RNF180: variants seen among roughly 807,000 people sequenced by gnomAD.
The protein encoded by RNF180 is E3 ubiquitin-protein ligase RNF180.
RNF180 carries 38 observed loss-of-function variants against 59.2 expected under a neutral mutation model. The observed-to-expected ratio is 0.64, with a 90% CI of 0.50 to 0.84. The LOEUF (loss-of-function observed/expected upper bound fraction) is 0.84, where lower values mean the gene tolerates loss of function less well. Among genes scored for constraint, RNF180 ranks in the 40% least tolerant of loss-of-function variants. The probability of loss-of-function intolerance (pLI) is 0.00; values close to 1 mark genes in which losing one functional copy is unlikely to be tolerated. For missense variants in RNF180, 705 were observed against 700.9 expected, an observed-to-expected ratio of 1.01 and a Z score of -0.07; for synonymous variants, 262 against 240.3, an observed-to-expected ratio of 1.09 and a Z score of -0.84.
chr5:64,299,916 G>A (rs971282295), intron 5 of RNF180, among the ~76,000 whole-genome samples: 2 of 151,688 alleles, frequency 1.3e-5, no homozygotes, highest in African/African-American at 4.8e-5. Flanking sequence ...ACCTTGTGCA[G>A]TCCCCCTAGA....
At chr5:64,343,496 A>G (rs1745439685) in intron 7 of RNF180, among the ~76,000 whole-genome samples, 1 of 152,110 alleles carries the variant, frequency 6.6e-6, no homozygotes, top group Non-Finnish European at 1.5e-5. Flanking sequence ...ATCAGTACCT[A>G]TTGATAAATC....
intron 5 of RNF180, among the ~76,000 whole-genome samples, chr5:64,276,831 T>C (rs1461416418): frequency 6.6e-6 from 1 of 152,120 alleles, no homozygotes; most frequent in Non-Finnish European, 1.5e-5. Flanking sequence ...GAAAATTACC[T>C]TCTGATTATT....
At chr5:64,338,125 T>C (rs1255582990) in intron 7 of RNF180, among the ~76,000 whole-genome samples, 10 of 152,228 alleles carry the variant, frequency 6.6e-5, no homozygotes, top group African/African-American at 2.2e-4. Flanking sequence ...TGGTATGTTG[T>C]TATCATATTT....
At chr5:64,343,155 AAC>A (rs1745424429) in intron 7 of RNF180, among the ~76,000 whole-genome samples, 1 of 152,156 alleles carries the variant, frequency 6.6e-6, no homozygotes, top group Non-Finnish European at 1.5e-5. Flanking sequence ...ACAAAATAGA[AAC>A]ACATCTCCTC....
intron 5 of RNF180, among the ~76,000 whole-genome samples, chr5:64,314,275 A>G (rs1743926596): frequency 7.2e-6 from 1 of 139,758 alleles, no homozygotes; most frequent in Non-Finnish European, 1.5e-5. Context: ...CCTAAAATCT[A>G]CAGCATGCCA....
intron 5 of RNF180, among the ~76,000 whole-genome samples, chr5:64,297,706 A>T (rs773339001): frequency 9.6e-4 from 146 of 152,226 alleles, no homozygotes; most frequent in Non-Finnish European, 1.6e-3. Flanking sequence ...TTTTAACTGC[A>T]GCAGAAGAAA....
intron 5 of RNF180, among the ~76,000 whole-genome samples, chr5:64,256,974 G>A (rs1046527902): frequency 1.2e-4 from 19 of 152,092 alleles, no homozygotes; most frequent in Non-Finnish European, 2.5e-4. Context: ...ATTGTGAATG[G>A]GAGTTCACTC....
At chr5:64,293,602 G>A (rs1209280861) in intron 5 of RNF180, among the ~76,000 whole-genome samples, 1 of 151,674 alleles carries the variant, frequency 6.6e-6, no homozygotes, top group Non-Finnish European at 1.5e-5. Flanking sequence ...TGAGAATGTA[G>A]AATAATTTTA....
chr5:64,338,798 G>GT (rs1441211256), intron 7 of RNF180, among the ~76,000 whole-genome samples: 1 of 151,960 alleles, frequency 6.6e-6, no homozygotes, highest in African/African-American at 2.4e-5. Flanking sequence ...TTTTGTGGAT[G>GT]TTTTTTCAGC....
chr5:64,354,242 G>T (rs1341498928), intron 7 of RNF180, among the ~76,000 whole-genome samples: 1 of 151,562 alleles, frequency 6.6e-6, no homozygotes, highest in Non-Finnish European at 1.5e-5. Flanking sequence ...AAAAGAGAGA[G>T]GATGCTTAAT....
intron 5 of RNF180, among the ~76,000 whole-genome samples, chr5:64,283,772 T>C (rs757423677): frequency 1.8e-4 from 28 of 152,206 alleles, no homozygotes; most frequent in Non-Finnish European, 3.4e-4. Context: ...GAACTGTAAG[T>C]TAATTAAACC....
At chr5:64,279,582 C>T (rs576076735) in intron 5 of RNF180, among the ~76,000 whole-genome samples, 3 of 152,216 alleles carry the variant, frequency 2.0e-5, no homozygotes, top group Non-Finnish European at 4.4e-5. Flanking sequence ...GGAAAAATCT[C>T]TAGGAAGATA....
intron 7 of RNF180, among the ~76,000 whole-genome samples, chr5:64,361,932 A>C (rs1032355173): frequency 6.6e-6 from 1 of 151,436 alleles, no homozygotes; most frequent in Non-Finnish European, 1.5e-5. Context: ...GGACAAAAAA[A>C]ATCTTGGATA....
At chr5:64,181,134 G>A (rs979649048) in intron 1 of RNF180, among the ~76,000 whole-genome samples, 5 of 152,162 alleles carry the variant, frequency 3.3e-5, no homozygotes, top group Admixed American at 2.0e-4. Context: ...CTCCTTCCAC[G>A]TTCTTCTGCC....
At chr5:64,212,872 C>T (rs763878814) in intron 3 of RNF180, among the ~76,000 whole-genome samples, 1 of 152,178 alleles carries the variant, frequency 6.6e-6, no homozygotes, top group Non-Finnish European at 1.5e-5. Context: ...TAAAAAATAA[C>T]ATTTGATAGA....
At chr5:64,286,773 A>C (rs1742312572) in intron 5 of RNF180, among the ~76,000 whole-genome samples, 1 of 152,252 alleles carries the variant, frequency 6.6e-6, no homozygotes, top group Non-Finnish European at 1.5e-5. Flanking sequence ...GAATTTCACA[A>C]GAAATACAGC....
chr5:64,239,518 T>C (rs1262356189), intron 5 of RNF180, among the ~76,000 whole-genome samples: 1 of 152,156 alleles, frequency 6.6e-6, no homozygotes, highest in African/African-American at 2.4e-5. Flanking sequence ...TGGAGTAGTC[T>C]ATTTCAAAAG....
Position 64,369,650 on chromosome 5 carries a change from C to T in RNF180, c.1615C>T (p.Gln539Ter), listed in dbSNP as rs965526922. 4 of 1,526,904 alleles carry T rather than the reference C, an allele frequency of 2.6e-6. No individual in the cohort carries two copies. In the African/African-American group the frequency reaches 5.6e-5, roughly 21 times the overall value. The allele number at this position is 1,526,904 out of a possible 1,614,324, so 94.6% of individuals were successfully genotyped here. A position where few individuals can be genotyped will look rare whatever the true frequency, so the allele number is the denominator to read the frequency against. The change falls in exon 8 of 8, where the codon CAG becomes TAG. Residue 539 changes from glutamine to a stop codon, truncating the protein, a stop_gained. Transcript: ENST00000389100. LOFTEE classifies it high-confidence loss of function. ...ACATGCAGCTCCAGTTACAAGAAGG[C>T]AGTTCCCACACGGTGCACACAGGAT... ...RRHAAPVTRR[Q>*]FPHGAHRMDY...
chr5:64,349,547 A>T (rs1745700224), intron 7 of RNF180, among the ~76,000 whole-genome samples: 1 of 151,866 alleles, frequency 6.6e-6, no homozygotes, highest in East Asian at 1.9e-4. Flanking sequence ...CATCATTTAC[A>T]TTAGGTATAT....
Sources: gnomAD v4.1 joint callset for allele counts (sites outside exome capture counted in the v4.1 genomes callset) on GRCh38, gnomAD v4.1.1 for gene constraint, MANE v1.5 for transcripts, NCBI Gene and HGNC (gene_info 2026-07-23, HGNC 2026-07-21) for gene names.